Variants in HSF4 observed in about 807,000 individuals in gnomAD.
The protein encoded by HSF4 is heat shock transcription factor 4, also known as heat shock factor protein 4.
Under a neutral mutation model 52.0 loss-of-function variants are expected in HSF4, and 41 were observed. The observed-to-expected ratio is 0.79, with a 90% CI of 0.61 to 1.02. The LOEUF is 1.02. HSF4 is among the 50% of genes least tolerant of loss of function. The pLI is 0.00. For missense variants in HSF4, 610 were observed against 651.1 expected (o/e 0.94, Z 0.69); for synonymous variants, 285 against 273.0 (o/e 1.04, Z -0.43).
chr16:67,167,912 G>A lies in HSF4; in HGVS notation c.1047G>A (p.Gln349=), dbSNP rs1422555340. 6.2e-7 allele frequency: 1 copy of A among 1,602,050 alleles called. No individual in the cohort carries two copies. The highest frequency in any genetic ancestry group is 8.5e-7 in the Non-Finnish European group (1 of 1,177,556). ...FSPEGPRNAQ[Q]PEPGDPREIP... ...CCGAGGGGCCCAGGAATGCCCAACA[G>A]CCTGAACCAGGGGATCCCAGGGAGA... Residue 349 remains glutamine, a synonymous_variant, in exon 9 of 13, where the codon CAG becomes CAA. Coordinates refer to ENST00000521374, the MANE Select transcript of HSF4 (RefSeq NM_001374675.1).
In HSF4 at chr16:67,164,844, G is replaced by A; in HGVS notation, c.33G>A (p.Glu11=). 6.2e-7 allele frequency: 1 copy of A among 1,604,462 alleles called. No homozygotes were observed. The highest frequency in any genetic ancestry group is 1.1e-5 in the South Asian group (1 of 90,442). MQEAPAALPT[E]PGPSPVPAFL... ...AAGCGCCAGCTGCGCTGCCCACGGA[G>A]CCAGGCCCCAGCCCCGTGCCTGCCT... Residue 11 remains glutamate (E), a synonymous_variant, in exon 1 of 13, where the codon GAG becomes GAA. Transcript: ENST00000521374.
rs1255846485 is a variant in HSF4 at position 67,165,895 on chromosome 16, C to T, written c.360+49C>T. The T allele has an allele frequency of 1.9e-6, 3 of 1,595,082 alleles. No homozygotes were observed. Among genetic ancestry groups the T allele is most frequent in the Non-Finnish European group, 2.5e-6 (3 of 1,177,968 alleles). On this transcript the variant is annotated intron_variant, in intron 3 of 12. Transcript: ENST00000521374. The surrounding 1 kb of genome is among the most constrained non-coding windows in gnomAD (Gnocchi z 6.9). ...GCAAAGAGGAGGAGGGGTGCTGGGA[C>T]TGCCTGCCTTGCTCCTGCGACCCAG... is the stretch of plus-strand genomic sequence containing the variant.
intron 7 of HSF4, 70 bp downstream of exon 7, chr16:67,167,292 T>A (rs772649246): frequency 1.9e-5 from 31 of 1,610,852 alleles, no homozygotes; most frequent in Non-Finnish European, 2.5e-5. Flanking sequence ...CTTCTCCCCA[T>A]CCCCTAAAAG....
At chr16:67,164,683 G>T (rs1003393091), upstream of HSF4, 110 of 1,129,442 alleles carry the variant, frequency 9.7e-5, no homozygotes, top group Non-Finnish European at 1.2e-4. Context: ...GGGCTTGCAC[G>T]TGGCCCCCGC....
chr16:67,165,705 G>A lies in HSF4; in HGVS notation c.233-14G>A. The A allele has an allele frequency of 1.9e-6, 3 of 1,611,968 alleles. No individual in the cohort carries two copies. The highest frequency in any genetic ancestry group is 2.5e-6 in the Non-Finnish European group (3 of 1,179,780). On this transcript the variant is annotated splice_polypyrimidine_tract_variant and intron_variant, in intron 2 of 12. Coordinates refer to ENST00000521374, the MANE Select transcript of HSF4 (RefSeq NM_001374675.1). This position sits in a 1 kb window ranked among gnomAD's most constrained non-coding sequence, Gnocchi z 6.9. The stretch of plus-strand genomic sequence containing the variant: ...GGGATGGGGCGACCCACGCCCCCAC[G>A]CCCCACTCCCCAGACGGTTTTCGGA...
chr16:67,166,326 C>T lies in HSF4; in HGVS notation c.492C>T (p.Asn164=), dbSNP rs769646890. 1.2e-6 allele frequency: 2 copies of T among 1,612,746 alleles called. No homozygotes were observed. The highest frequency in any genetic ancestry group is 2.2e-5 in the East Asian group (1 of 44,826). ...EARLRELRQQ[N]EILWREVVTL... ...CCTCCCACCCCTTCCTCAGGCAGAA[C>T]GAGATCTTGTGGCGGGAGGTGGTGA... Residue 164 remains asparagine (N), a synonymous_variant, in exon 5 of 13, where the codon AAC becomes AAT. Coordinates refer to ENST00000521374, the MANE Select transcript of HSF4 (RefSeq NM_001374675.1).
At position 67,165,054 on chromosome 16, in the gene HSF4, CAGAGAAGTTCACCT is replaced by C. The variant is rs1208788371; in HGVS notation, c.123+121_123+134del. ...CCGTGGATCCCCGGATTTGGCCATT[CAGAGAAGTTCACCT>C]TGGAGGGGGTGTGCGAGAGGGGGGT... On this transcript the variant is annotated intron_variant, in intron 1 of 12. Transcript: ENST00000521374. This position sits in a 1 kb window ranked among gnomAD's most constrained non-coding sequence, Gnocchi z 6.9. The C allele has an allele frequency of 1.2e-4, 133 of 1,141,806 alleles. No homozygotes were observed. The highest frequency in any genetic ancestry group is 1.5e-4 in the Non-Finnish European group (123 of 825,718). The allele number at this position is 1,141,806 out of a possible 1,614,324, so 70.7% of individuals were successfully genotyped here. A position where few individuals can be genotyped will look rare whatever the true frequency, so the allele number is the denominator to read the frequency against.
At position 67,166,590 on chromosome 16, in the gene HSF4, G is replaced by A. The variant is rs763541172; in HGVS notation, c.594G>A (p.Ala198=). The change falls in exon 6 of 13, where the codon GCG becomes GCA. Residue 198 remains alanine, a synonymous_variant. Coordinates refer to ENST00000521374, the MANE Select transcript of HSF4 (RefSeq NM_001374675.1). ...LIQCLFGPLQ[A]GPSNAGGKRK... is the part of the protein sequence containing the mutation. ...AGTGTCTCTTTGGGCCACTTCAGGC[G>A]GGGCCGAGCAATGCAGGAGGCAAGA... is the stretch of plus-strand genomic sequence containing the variant. 7.4e-6 allele frequency: 12 copies of A among 1,613,754 alleles called. No homozygotes were observed. The highest frequency in any genetic ancestry group is 4.4e-5 in the South Asian group (4 of 91,078).
chr16:67,166,483 T>C, intron 5 of HSF4, 75 bp from the exon 6 acceptor site: 3 of 1,598,834 alleles, frequency 1.9e-6, no homozygotes, highest in Middle Eastern at 1.7e-4. Flanking sequence ...TGTTAAGCCT[T>C]CCTCCCTCAC....
chr16:67,169,556 G>A lies in HSF4; in HGVS notation c.1325-75G>A. On this transcript the variant is annotated intron_variant, in intron 12 of 12. Transcript: ENST00000521374. The surrounding 1 kb of genome is among the most constrained non-coding windows in gnomAD (Gnocchi z 4.3). ...TTTATCCTAACTGAGCAGAAGGCAGGCGGGCAGGGCTCTCCTTCCCTGAAG... is the reference window on the plus strand; with the variant it reads ...TTTATCCTAACTGAGCAGAAGGCAGACGGGCAGGGCTCTCCTTCCCTGAAG... 1 of 1,598,836 alleles carries A rather than the reference G, an allele frequency of 6.3e-7. No individual in the cohort carries two copies.
In HSF4 at chr16:67,165,082, CGA is replaced by C; in HGVS notation, c.123+152_123+153del. On this transcript the variant is annotated intron_variant, in intron 1 of 12. Coordinates refer to ENST00000521374, the MANE Select transcript of HSF4 (RefSeq NM_001374675.1). This position sits in a 1 kb window ranked among gnomAD's most constrained non-coding sequence, Gnocchi z 6.9. ...AGAAGTTCACCTTGGAGGGGGTGTG[CGA>C]GAGGGGGGTTTCCTCTGCGGCCGAA... 1.1e-6 allele frequency: 1 copy of C among 885,690 alleles called. No homozygotes were observed. The highest frequency in any genetic ancestry group is 1.7e-6 in the Non-Finnish European group (1 of 598,322). 54.9% of individuals were successfully genotyped at this position (885,690 alleles called of 1,614,324 possible). A position where few individuals can be genotyped will look rare whatever the true frequency, so the allele number is the denominator to read the frequency against.
chr16:67,167,536 A>C lies in HSF4; in HGVS notation c.791A>C (p.Asp264Ala). The stretch of plus-strand genomic sequence containing the variant: ...AGGGCCAGGGGCCCCATCATCTCTG[A>C]CATCCCAGAAGACTCTCCATCCCCT... Reference protein sequence around the residue: ...PHRARGPIISDIPEDSPSPEG... With the variant: ...PHRARGPIISAIPEDSPSPEG... The change falls in exon 8 of 13, where the codon GAC becomes GCC. Residue 264 changes from aspartate (D) to alanine (A), a missense_variant. Physicochemically the swap from Asp to Ala is moderately radical, Grantham distance 126. Transcript: ENST00000521374. 6.2e-7 allele frequency: 1 copy of C among 1,613,794 alleles called. No individual in the cohort carries two copies. The highest frequency in any genetic ancestry group is 8.5e-7 in the Non-Finnish European group (1 of 1,180,008).
Position 67,168,855 on chromosome 16 carries a change from G to A in HSF4, c.1107G>A (p.Gly369=). Reference sequence around the variant, plus strand: ...GGGGGCCTCTGGGCCTGGAAAGCGGGGACAGGAGCCCAGAGAGTCTGCTGC... The same window carrying A: ...GGGGGCCTCTGGGCCTGGAAAGCGGAGACAGGAGCCCAGAGAGTCTGCTGC... ...PDRGPLGLES[G]DRSPESLLPP... The change falls in exon 10 of 13, where the codon GGG becomes GGA. Residue 369 remains glycine, a synonymous_variant. Transcript: ENST00000521374. 3 of 1,613,924 alleles carry A rather than the reference G, an allele frequency of 1.9e-6. No homozygotes were observed. The highest frequency in any genetic ancestry group is 2.5e-6 in the Non-Finnish European group (3 of 1,180,032).
At position 67,164,904 on chromosome 16, in the gene HSF4, A is replaced by T; in HGVS notation, c.93A>T (p.Pro31=). The change falls in exon 1 of 13, where the codon CCA becomes CCT. Residue 31 remains proline, a synonymous_variant. Coordinates refer to ENST00000521374, the MANE Select transcript of HSF4 (RefSeq NM_001374675.1). ...LGKLWALVGD[P]GTDHLIRWSP... ...AGCTATGGGCGCTGGTGGGGGACCC[A>T]GGCACAGACCACCTGATCCGCTGGA... The T allele has an allele frequency of 1.2e-6, 2 of 1,608,134 alleles. No individual in the cohort carries two copies. Among genetic ancestry groups the T allele is most frequent in the Non-Finnish European group, 8.5e-7 (1 of 1,179,150 alleles).
At chr16:67,164,169 G>T, upstream of HSF4, 1 of 569,338 alleles carries the variant, frequency 1.8e-6, no homozygotes, top group South Asian at 1.6e-5. Context: ...AACAAATCCT[G>T]CAGTGTTTCT....
chr16:67,164,164 A>C, upstream of HSF4: 2 of 572,588 alleles, frequency 3.5e-6, no homozygotes, highest in Non-Finnish European at 6.5e-6. Context: ...AAATAAACAA[A>C]TCCTGCAGTG....
intron 5 of HSF4, 72 bp downstream of exon 5, chr16:67,166,467 C>T (rs1330490820): frequency 1.5e-5 from 24 of 1,592,826 alleles, no homozygotes; most frequent in Non-Finnish European, 1.9e-5. Context: ...AGTCCCCCGG[C>T]GCCCCTGTTA....
Position 67,165,899 on chromosome 16 carries a change from C to T in HSF4, c.361-47C>T, listed in dbSNP as rs960131276. ...AGAGGAGGAGGGGTGCTGGGACTGC[C>T]TGCCTTGCTCCTGCGACCCAGTCCC... On this transcript the variant is annotated intron_variant, in intron 3 of 12. Transcript: ENST00000521374. The surrounding 1 kb of genome is among the most constrained non-coding windows in gnomAD (Gnocchi z 6.9). 4 of 1,594,096 alleles carry T rather than the reference C, an allele frequency of 2.5e-6. No individual in the cohort carries two copies. Among genetic ancestry groups the T allele is most frequent in the East Asian group, 2.2e-5 (1 of 44,636 alleles).
upstream of HSF4, chr16:67,164,542 C>A (rs1253041426): frequency 1.4e-5 from 9 of 652,586 alleles, no homozygotes; most frequent in Admixed American, 1.0e-4. Flanking sequence ...CCCAAGTCTC[C>A]CACTCATCTC....
Sources: gnomAD v4.1 joint callset for allele counts on GRCh38, gnomAD v4.1.1 for gene constraint, Gnocchi (gnomAD v3.1) non-coding constraint, MANE v1.5 for transcripts, NCBI Gene and HGNC (gene_info 2026-07-23, HGNC 2026-07-21) for gene names.